MBOAT2: variants seen among roughly 807,000 people sequenced by gnomAD.
MBOAT2 encodes membrane bound glycerophospholipid O-acyltransferase 2, also known as membrane-bound glycerophospholipid O-acyltransferase 2.
In MBOAT2, 28 loss-of-function variants were observed where a neutral mutation model predicts 63.4. The observed-to-expected ratio is 0.44, with a 90% CI of 0.33 to 0.61. The LOEUF (loss-of-function observed/expected upper bound fraction) is 0.61. MBOAT2 is among the 20% of genes least tolerant of loss of function. The pLI is 0.03. For synonymous variants in MBOAT2, 211 were observed against 215.6 expected (o/e 0.98, Z 0.19); for missense variants, 470 against 605.8 (o/e 0.78, Z 2.35).
At chr2:8,901,350 C>T (rs1464057874) in intron 4 of MBOAT2, among the ~76,000 whole-genome samples, 5 of 152,148 alleles carry the variant, frequency 3.3e-5, no homozygotes, top group South Asian at 2.1e-4. Flanking sequence ...TGGCCCTTAC[C>T]GACGCATTCT....
At position 8,868,491 on chromosome 2, in the gene MBOAT2, T is replaced by G; in HGVS notation, c.942A>C (p.Ala314=). The G allele has an allele frequency of 6.2e-7, 1 of 1,614,130 alleles. No individual in the cohort carries two copies. Among genetic ancestry groups the G allele is most frequent in the Non-Finnish European group, 8.5e-7 (1 of 1,179,982 alleles). Residue 314 remains alanine, a synonymous_variant, in exon 9 of 13, where the codon GCA becomes GCC. Transcript: ENST00000305997. ...AATTGGAAATTAAGTCCCAGCGAGC[T>G]GCTCCATTTTCGTCATACCCTCTGA... ...FGFRGYDENG[A]ARWDLISNLR...
intron 2 of MBOAT2, among the ~76,000 whole-genome samples, chr2:8,956,952 C>A (rs1669272146): frequency 6.6e-6 from 1 of 152,184 alleles, no homozygotes; most frequent in South Asian, 2.1e-4. Context: ...TCTCCATAGA[C>A]CACAGAGTGA....
Position 8,867,274 on chromosome 2 carries a change from A to C in MBOAT2, c.987+1172T>G, listed in dbSNP as rs142055802. 7.0e-3 allele frequency among the ~76,000 whole-genome samples: 1,064 copies of C among 152,134 alleles called. 11 individuals carry two copies. Among genetic ancestry groups the C allele is most frequent in the South Asian group, 0.02 (95 of 4,818 alleles). On this transcript the variant is annotated intron_variant, in intron 9 of 12. Coordinates refer to ENST00000305997, the MANE Select transcript of MBOAT2 (RefSeq NM_138799.4). ...TCAAATGATCTGCCTGCCTTGGCCTACCAAAGTGCTGGGATTACAGGTGTG... is the reference window on the plus strand; with the variant it reads ...TCAAATGATCTGCCTGCCTTGGCCTCCCAAAGTGCTGGGATTACAGGTGTG...
chr2:8,937,959 A>G (rs1377699166), intron 3 of MBOAT2, among the ~76,000 whole-genome samples: 3 of 152,206 alleles, frequency 2.0e-5, no homozygotes, highest in South Asian at 2.1e-4. Flanking sequence ...TGCTATGAGC[A>G]TGCGACTGCC....
rs139345161 is a variant in MBOAT2 at position 8,912,373 on chromosome 2, GAGAAAGAAAGAA to G, written c.300-3669_300-3658del. Among the ~76,000 whole-genome samples the G allele has an allele frequency of 5.3e-3, 448 of 84,236 alleles. 6 individuals are homozygous for G. Among genetic ancestry groups the G allele is most frequent in the African/African-American group, 0.01 (220 of 21,100 alleles). The allele number at this position is 84,236 out of a possible 152,430, so 55.3% of individuals were successfully genotyped here. ...AAAGAGAAAGAAAGAAAGAAAGAAA[GAGAAAGAAAGAA>G]AGAAAGAAAGAAAGAAAGAAAGAAA... On this transcript the variant is annotated intron_variant, in intron 3 of 12. Coordinates refer to ENST00000305997, the MANE Select transcript of MBOAT2 (RefSeq NM_138799.4).
chr2:8,963,240 A>G (rs1457402713), intron 1 of MBOAT2, among the ~76,000 whole-genome samples: 1 of 151,734 alleles, frequency 6.6e-6, no homozygotes, highest in Non-Finnish European at 1.5e-5. Context: ...CCTGTCTCAA[A>G]AAAAAAAAAT....
chr2:8,927,415 T>C (rs1008262998), intron 3 of MBOAT2, among the ~76,000 whole-genome samples: 1 of 152,182 alleles, frequency 6.6e-6, no homozygotes, highest in Non-Finnish European at 1.5e-5. Context: ...TTTAGATTAA[T>C]CTTTGAAAAG....
chr2:8,871,761 T>A lies in MBOAT2; in HGVS notation c.883+1347A>T, dbSNP rs527393547. The stretch of plus-strand genomic sequence containing the variant: ...AAATAATGAATCCAGCCCCAAACTG[T>A]ATTTCACTGTAATCAAAATAAAACC... On this transcript the variant is annotated intron_variant, in intron 8 of 12. Coordinates refer to ENST00000305997, the MANE Select transcript of MBOAT2 (RefSeq NM_138799.4). 3.3e-5 allele frequency among the ~76,000 whole-genome samples: 5 copies of A among 152,344 alleles called. No individual in the cohort carries two copies. In the East Asian group the frequency reaches 9.6e-4, roughly 29 times the overall value.
At chr2:8,914,511 G>A (rs1345500512) in intron 3 of MBOAT2, among the ~76,000 whole-genome samples, 1 of 150,928 alleles carries the variant, frequency 6.6e-6, no homozygotes. Flanking sequence ...AACAATGAAA[G>A]TGTTTTGTGA....
chr2:8,855,125 C>T lies in MBOAT2; in HGVS notation c.*3554G>A, dbSNP rs917114045. On this transcript the variant is annotated 3_prime_UTR_variant, in exon 13 of 13. Coordinates refer to ENST00000305997, the MANE Select transcript of MBOAT2 (RefSeq NM_138799.4). ...AGGGATTCAGAGGTTTCACTGTTAT[C>T]ATGACAACCTTTTGAAATGTCAGGG... 1 of 152,244 alleles carries T rather than the reference C, an allele frequency of 6.6e-6. No homozygotes were observed. The highest frequency in any genetic ancestry group is 1.5e-5 in the Non-Finnish European group (1 of 68,040). 9.4% of individuals were successfully genotyped at this position (152,244 alleles called of 1,614,324 possible). A position where few individuals can be genotyped will look rare whatever the true frequency, so the allele number is the denominator to read the frequency against.
chr2:8,967,622 A>G (rs1050594496), intron 1 of MBOAT2, among the ~76,000 whole-genome samples: 1 of 152,228 alleles, frequency 6.6e-6, no homozygotes, highest in African/African-American at 2.4e-5. Context: ...TGAGATAGCC[A>G]GAAAATTTAT....
intron 2 of MBOAT2, 104 bp from the exon 3 acceptor site, chr2:8,943,368 G>A: frequency 2.9e-5 from 16 of 560,994 alleles, no homozygotes; most frequent in South Asian, 7.9e-5. Context: ...AGTATTCCCA[G>A]AAAAAAAAAT....
Position 8,868,557 on chromosome 2 carries a change from AAAC to A in MBOAT2, c.884-11_884-9del, listed in dbSNP as rs766784866. ...CATTATTAATGGCATCAGCTATAGAAAACAACATTAGAAAAAAGTATTAAGAAT... is the reference window on the plus strand; with the variant it reads ...CATTATTAATGGCATCAGCTATAGAAAACATTAGAAAAAAGTATTAAGAAT... On this transcript the variant is annotated splice_polypyrimidine_tract_variant and intron_variant, in intron 8 of 12. Coordinates refer to ENST00000305997, the MANE Select transcript of MBOAT2 (RefSeq NM_138799.4). The A allele has an allele frequency of 6.2e-7, 1 of 1,603,874 alleles. No homozygotes were observed. Among genetic ancestry groups the A allele is most frequent in the Non-Finnish European group, 8.5e-7 (1 of 1,174,124 alleles).
At chr2:8,952,734 C>T (rs114178221) in intron 2 of MBOAT2, among the ~76,000 whole-genome samples, 2,163 of 148,236 alleles carry the variant, frequency 0.015, 52 homozygotes, top group African/African-American at 0.05. Flanking sequence ...CATTATGTAA[C>T]GCCCTTTTTT....
At chr2:8,920,888 A>C (rs1666517271) in intron 3 of MBOAT2, among the ~76,000 whole-genome samples, 1 of 152,178 alleles carries the variant, frequency 6.6e-6, no homozygotes, top group Admixed American at 6.6e-5. Flanking sequence ...TGCCAGCCTC[A>C]TTTATTAGTC....
chr2:8,889,106 C>T (rs925953378), intron 4 of MBOAT2, among the ~76,000 whole-genome samples: 7 of 152,150 alleles, frequency 4.6e-5, no homozygotes, highest in African/African-American at 7.2e-5. Flanking sequence ...GCAGCATCAC[C>T]CCATGCACTG....
intron 1 of MBOAT2, among the ~76,000 whole-genome samples, chr2:8,993,962 A>G (rs1672091925): frequency 6.6e-6 from 1 of 152,224 alleles, no homozygotes; most frequent in Admixed American, 6.5e-5. Context: ...TTGTCTCCTC[A>G]GTGCTAACCA....
chr2:8,855,975 C>A lies in MBOAT2; in HGVS notation c.*2704G>T, dbSNP rs1413970823. 6.6e-6 allele frequency: 1 copy of A among 152,020 alleles called. No homozygotes were observed. Among genetic ancestry groups the A allele is most frequent in the Non-Finnish European group, 1.5e-5 (1 of 68,030 alleles). The allele number at this position is 152,020 out of a possible 1,614,324, so 9.4% of individuals were successfully genotyped here. A position where few individuals can be genotyped will look rare whatever the true frequency, so the allele number is the denominator to read the frequency against. ...TTTCTATTTAACAGGAGTAGACGTA[C>A]CAGTTTAAAATTCTTCTACTGTAAG... is the stretch of plus-strand genomic sequence containing the variant. On this transcript the variant is annotated 3_prime_UTR_variant, in exon 13 of 13. Coordinates refer to ENST00000305997, the MANE Select transcript of MBOAT2 (RefSeq NM_138799.4).
At chr2:8,916,228 G>A (rs1390676529) in intron 3 of MBOAT2, among the ~76,000 whole-genome samples, 8 of 152,188 alleles carry the variant, frequency 5.3e-5, no homozygotes, top group East Asian at 1.9e-4. Context: ...GCCTTGTCTC[G>A]TGACTTCCAG....
Sources: gnomAD v4.1 joint callset for allele counts (sites outside exome capture counted in the v4.1 genomes callset) on GRCh38, gnomAD v4.1.1 for gene constraint, MANE v1.5 for transcripts, NCBI Gene and HGNC (gene_info 2026-07-23, HGNC 2026-07-21) for gene names.